Variants in EXTL3 observed in about 807,000 individuals in gnomAD.
The protein encoded by EXTL3 is exostosin like glycosyltransferase 3, also known as exostosin-like 3.
In EXTL3, 27 loss-of-function variants were observed where a neutral mutation model predicts 69.3. That is an observed-to-expected ratio of 0.39 (90% CI 0.29 to 0.54). EXTL3 has a LOEUF of 0.54. Among genes scored for constraint, EXTL3 ranks in the 20% least tolerant of loss-of-function variants. The pLI is 0.69. For synonymous variants in EXTL3, 511 were observed against 499.4 expected, an observed-to-expected ratio of 1.02 and a Z score of -0.31; for missense variants, 1,003 against 1,231.8, an observed-to-expected ratio of 0.81 and a Z score of 2.78.
At chr8:28,632,754 A>G (rs1331061222) in intron 1 of EXTL3, among the ~76,000 whole-genome samples, 4 of 151,634 alleles carry the variant, frequency 2.6e-5, no homozygotes, top group East Asian at 3.9e-4. Context: ...GGGTTTCACC[A>G]TGTTGGCCAG....
chr8:28,647,267 A>T (rs111671855), intron 1 of EXTL3, among the ~76,000 whole-genome samples: 4 of 151,776 alleles, frequency 2.6e-5, no homozygotes, highest in Non-Finnish European at 5.9e-5. Flanking sequence ...ACCATGCCCA[A>T]TGAATTTTTT....
chr8:28,712,343 A>G (rs1801046770), intron 1 of EXTL3, among the ~76,000 whole-genome samples: 1 of 152,186 alleles, frequency 6.6e-6, no homozygotes, highest in Non-Finnish European at 1.5e-5. Context: ...TACAGTGGGC[A>G]GCCTTGAAAA....
At chr8:28,676,008 T>G (rs1585245176) in intron 1 of EXTL3, among the ~76,000 whole-genome samples, 1 of 105,586 alleles carries the variant, frequency 9.5e-6, no homozygotes, top group Admixed American at 1.4e-4. Flanking sequence ...GGTGACAGAG[T>G]GAGACTCCAT....
In EXTL3 at chr8:28,681,223, C is replaced by A. The variant is rs560454185; in HGVS notation, c.-52-32234C>A. The stretch of plus-strand genomic sequence containing the variant: ...GAATAGTATTCCAATTTTAAAAATT[C>A]ATGCATCCCAGACAGACACACTGGC... On this transcript the variant is annotated intron_variant, in intron 1 of 6. Transcript: ENST00000523149. Among the ~76,000 whole-genome samples, 224 of 151,814 alleles carry A rather than the reference C, an allele frequency of 1.5e-3. 3 individuals carry two copies. Among genetic ancestry groups the A allele is most frequent in the South Asian group, 8.2e-3 (39 of 4,772 alleles).
At chr8:28,638,999 G>A (rs943706477) in intron 1 of EXTL3, among the ~76,000 whole-genome samples, 15 of 147,850 alleles carry the variant, frequency 1.0e-4, no homozygotes, top group Non-Finnish European at 3.0e-5. Context: ...GTGCAATGGT[G>A]TGTTCTTGGC....
At chr8:28,685,458 G>A (rs1292769371) in intron 1 of EXTL3, among the ~76,000 whole-genome samples, 2 of 146,680 alleles carry the variant, frequency 1.4e-5, no homozygotes, top group African/African-American at 5.1e-5. Flanking sequence ...TTTTTTTGAC[G>A]ACATTGACAT....
In EXTL3 at chr8:28,608,058, C is replaced by T. The variant is rs182085810; in HGVS notation, n.314+300C>T. Among the ~76,000 whole-genome samples the T allele has an allele frequency of 1.8e-3, 264 of 149,962 alleles. 5 individuals are homozygous for T. In the East Asian group the frequency reaches 0.048, roughly 27 times the overall value. ...CCGGGAGGCAGAGCTTGCAGTGAGC[C>T]GAGATCGTGCCACTGCACTCCAGCC... is the stretch of plus-strand genomic sequence containing the variant. On this transcript the variant is annotated intron_variant and non_coding_transcript_variant, in intron 2 of 4. Transcript: ENST00000522725.
chr8:28,669,805 T>C (rs1413370410), intron 1 of EXTL3, among the ~76,000 whole-genome samples: 1 of 152,192 alleles, frequency 6.6e-6, no homozygotes, highest in Non-Finnish European at 1.5e-5. Flanking sequence ...TCAGCAAGCC[T>C]CAACCTTGGC....
intron 2 of EXTL3, among the ~76,000 whole-genome samples, chr8:28,613,362 T>A (rs1373683968): frequency 6.6e-6 from 1 of 152,036 alleles, no homozygotes; most frequent in Non-Finnish European, 1.5e-5. Flanking sequence ...TTTTGTATTT[T>A]TAGTAGAGAC....
intron 2 of EXTL3, among the ~76,000 whole-genome samples, chr8:28,713,973 C>G (rs1439721852): frequency 1.5e-5 from 2 of 133,150 alleles, no homozygotes; most frequent in African/African-American, 5.8e-5. Flanking sequence ...ATGGTGCGAT[C>G]TCGGCTCACT....
rs138385823 is a variant in EXTL3, at chr8:28,738,312, A to T, written c.2421+649A>T. Among the ~76,000 whole-genome samples, 1,246 of 152,316 alleles carry T rather than the reference A, an allele frequency of 8.2e-3. 10 individuals are homozygous for T. The highest frequency in any genetic ancestry group is 0.011 in the Non-Finnish European group (740 of 68,018). ...ATCACCTGGTGCATGACTGGTCAGA[A>T]TGGAGACGTGCTGTTCAGTGTAAAG... On this transcript the variant is annotated intron_variant, in intron 5 of 6. Coordinates refer to ENST00000220562, the MANE Select transcript of EXTL3 (RefSeq NM_001440.4).
chr8:28,741,505 C>G (rs1801779381), intron 5 of EXTL3: 1 of 152,070 alleles, frequency 6.6e-6, no homozygotes, highest in Admixed American at 6.6e-5. Context: ...GGCTGGATTG[C>G]AGTGGCACAA....
At position 28,737,922 on chromosome 8, in the gene EXTL3, C is replaced by A. The variant is rs538174980; in HGVS notation, c.2421+259C>A. On this transcript the variant is annotated intron_variant, in intron 5 of 6. Coordinates refer to ENST00000220562, the MANE Select transcript of EXTL3 (RefSeq NM_001440.4). ...CACTTTATCTTTCTGGGCGTTGGCT[C>A]TCCGTTTGTAAAACTGAGGGCACTG... 4.6e-5 allele frequency among the ~76,000 whole-genome samples: 7 copies of A among 151,096 alleles called. No individual in the cohort carries two copies. The South Asian group carries it at 1.5e-3, about 32-fold the overall frequency.
At position 28,750,787 on chromosome 8, in the gene EXTL3, A is replaced by T. The variant is rs1374382979; in HGVS notation, c.2681A>T (p.Tyr894Phe). Residue 894 changes from tyrosine (Y) to phenylalanine (F), a missense_variant, in exon 7 of 7, where the codon TAC becomes TTC. Coordinates refer to ENST00000220562, the MANE Select transcript of EXTL3 (RefSeq NM_001440.4). This position sits in a 1 kb window ranked among gnomAD's most constrained non-coding sequence, Gnocchi z 5.2. ...GTGTACGGCTACATGCCCCTCCTGT[A>T]CACGCAGTTCAGGGTGGATTCTGTG... ...VKVYGYMPLLYTQFRVDSVLF... is the reference protein window; with the variant it reads ...VKVYGYMPLLFTQFRVDSVLF... 6.2e-7 allele frequency: 1 copy of T among 1,614,178 alleles called. No homozygotes were observed. Among genetic ancestry groups the T allele is most frequent in the South Asian group, 1.1e-5 (1 of 91,080 alleles).
intron 6 of EXTL3, among the ~76,000 whole-genome samples, chr8:28,747,216 C>A (rs566316134): frequency 6.6e-6 from 1 of 152,162 alleles, no homozygotes; most frequent in Non-Finnish European, 1.5e-5. Flanking sequence ...AGATTCCTGA[C>A]CCCTACATCC....
intron 1 of EXTL3, among the ~76,000 whole-genome samples, chr8:28,633,511 G>A (rs1272147517): frequency 3.3e-5 from 5 of 151,914 alleles, no homozygotes. Flanking sequence ...TTGGGCGCCT[G>A]TAGTCCCAGC....
At chr8:28,662,640 T>G (rs930435875) in intron 1 of EXTL3, among the ~76,000 whole-genome samples, 1 of 152,136 alleles carries the variant, frequency 6.6e-6, no homozygotes, top group Non-Finnish European at 1.5e-5. Context: ...AGAGCCAGGC[T>G]TGGTGGTTCA....
chr8:28,678,259 G>A (rs1369328447), intron 1 of EXTL3: 1 of 152,236 alleles, frequency 6.6e-6, no homozygotes, highest in African/African-American at 2.4e-5. Flanking sequence ...CTTCTACAAG[G>A]AAGAGTAAGT....
intron 1 of EXTL3, among the ~76,000 whole-genome samples, chr8:28,648,612 T>C (rs1285329426): frequency 6.6e-6 from 1 of 152,078 alleles, no homozygotes; most frequent in Admixed American, 6.6e-5. Flanking sequence ...CCACTTCCAA[T>C]TTCACTCTCC....
Sources: gnomAD v4.1 joint callset for allele counts (sites outside exome capture counted in the v4.1 genomes callset) on GRCh38, gnomAD v4.1.1 for gene constraint, Gnocchi (gnomAD v3.1) non-coding constraint, MANE v1.5 for transcripts, NCBI Gene and HGNC (gene_info 2026-07-23, HGNC 2026-07-21) for gene names.